The following TMEM59L variants were observed in gnomAD, a reference collection of about 807,000 sequenced individuals.
TMEM59L encodes transmembrane protein 59-like.
In TMEM59L, 31 loss-of-function variants were observed where a neutral mutation model predicts 39.6. The observed-to-expected ratio is 0.78, with a 90% CI of 0.59 to 1.06. TMEM59L has a LOEUF of 1.06. TMEM59L is among the 50% of genes least tolerant of loss of function. The pLI, the probability that TMEM59L is intolerant of heterozygous loss-of-function variation, is 0.00. For synonymous variants in TMEM59L, 219 were observed against 202.9 expected (o/e 1.08, Z -0.68); for missense variants, 441 against 451.3 (o/e 0.98, Z 0.21).
At position 18,612,932 on chromosome 19, in the gene TMEM59L, C is replaced by T; in HGVS notation, c.-27C>T. 7.8e-7 allele frequency: 1 copy of T among 1,287,782 alleles called. No individual in the cohort carries two copies. The highest frequency in any genetic ancestry group is 9.8e-7 in the Non-Finnish European group (1 of 1,021,442). 79.8% of individuals were successfully genotyped at this position (1,287,782 alleles called of 1,614,324 possible). On this transcript the variant is annotated 5_prime_UTR_variant, in exon 1 of 8. Transcript: ENST00000262817. This position sits in a 1 kb window ranked among gnomAD's most constrained non-coding sequence, Gnocchi z 6.2. Reference sequence around the variant, plus strand: ...CCGTGCCCGGCCTGAGCTGGAGTCCCCCGCGCCCCCCGCGTTCCGCCCGGC... The same window carrying T: ...CCGTGCCCGGCCTGAGCTGGAGTCCTCCGCGCCCCCCGCGTTCCGCCCGGC...
chr19:18,617,155 A>G, intron 5 of TMEM59L, 53 bp downstream of exon 5: 1 of 1,415,088 alleles, frequency 7.1e-7, no homozygotes, highest in Non-Finnish European at 1.0e-6. Flanking sequence ...CACTGCCACA[A>G]GGAGTCGGCC....
chr19:18,614,571 G>A (rs1439884584), intron 3 of TMEM59L, among the ~76,000 whole-genome samples: 1 of 152,206 alleles, frequency 6.6e-6, no homozygotes. Context: ...TGCAAGGGGC[G>A]AGATTTGAAG....
In TMEM59L at chr19:18,618,458, T is replaced by C. The variant is rs771121994; in HGVS notation, c.866T>C (p.Leu289Pro). Reference protein sequence around the residue: ...LVMLWLSCSTLVTAPGQHLKF... With the variant: ...LVMLWLSCSTPVTAPGQHLKF... Reference sequence around the variant, plus strand: ...ATGCTGTGGCTGAGCTGCTCCACCCTGGTGACCGCGCCTGGCCAGCACCTC... The same window carrying C: ...ATGCTGTGGCTGAGCTGCTCCACCCCGGTGACCGCGCCTGGCCAGCACCTC... The change falls in exon 7 of 8, where the codon CTG becomes CCG. Residue 289 changes from leucine (L) to proline (P), a missense_variant. Leu to Pro is a moderately conservative substitution (Grantham distance 98, BLOSUM62 -3). Coordinates refer to ENST00000262817, the MANE Select transcript of TMEM59L (RefSeq NM_012109.3). 2.5e-6 allele frequency: 4 copies of C among 1,606,214 alleles called. No homozygotes were observed. Among genetic ancestry groups the C allele is most frequent in the African/African-American group, 2.7e-5 (2 of 74,690 alleles).
rs748071337 is a variant in TMEM59L at position 18,612,987 on chromosome 19, C to CGCTGCTGCT, written c.40_48dup (p.Leu15_Leu17dup). ...GCTGCGGTGGCGCTGATGCCACCGCCGCTGCTGCTGCTGCTGCTGTTGGCG... is the reference window on the plus strand; with the variant it reads ...GCTGCGGTGGCGCTGATGCCACCGCCGCTGCTGCTGCTGCTGCTGCTGCTGCTGTTGGCG... On this transcript the variant is annotated inframe_insertion, in exon 1 of 8. Transcript: ENST00000262817. This position sits in a 1 kb window ranked among gnomAD's most constrained non-coding sequence, Gnocchi z 6.2. 2.9e-6 allele frequency: 4 copies of CGCTGCTGCT among 1,360,554 alleles called. No homozygotes were observed. Among genetic ancestry groups the CGCTGCTGCT allele is most frequent in the East Asian group, 3.1e-5 (1 of 32,194 alleles). 84.3% of individuals were successfully genotyped at this position (1,360,554 alleles called of 1,614,324 possible).
chr19:18,619,678 C>A (rs1439799231), intron 7 of TMEM59L, among the ~76,000 whole-genome samples: 1 of 151,634 alleles, frequency 6.6e-6, no homozygotes, highest in Admixed American at 6.6e-5. Flanking sequence ...GTGGCAGGTG[C>A]CTGTAGTCCC....
chr19:18,617,333 T>C (rs866084752), intron 5 of TMEM59L: 1 of 635,744 alleles, frequency 1.6e-6, no homozygotes, highest in South Asian at 1.5e-5. Flanking sequence ...GGTTCCGTGG[T>C]CCATCTCCCC....
intron 5 of TMEM59L, 129 bp downstream of exon 5, chr19:18,617,231 C>T (rs747071925): frequency 4.1e-6 from 3 of 735,780 alleles, no homozygotes; most frequent in Non-Finnish European, 4.8e-6. Flanking sequence ...GGCTCATCCC[C>T]CAGGTCTCCA....
At chr19:18,614,049 G>A in intron 2 of TMEM59L, 33 bp downstream of exon 2, 1 of 1,613,048 alleles carries the variant, frequency 6.2e-7, no homozygotes, top group East Asian at 2.2e-5. Flanking sequence ...GGCCAGCGTG[G>A]GGAGAGGTGG....
Position 18,614,200 on chromosome 19 carries a change from G to T in TMEM59L, c.408+5G>T. ...GAGCCTGAGCCGGAGCAGAAGGTGG[G>T]CCTCCCACTGCGGCCTGGGGTCCCT... On this transcript the variant is annotated splice_donor_5th_base_variant and intron_variant, in intron 3 of 7. Coordinates refer to ENST00000262817, the MANE Select transcript of TMEM59L (RefSeq NM_012109.3). The T allele has an allele frequency of 6.3e-7, 1 of 1,586,356 alleles. No homozygotes were observed. Among genetic ancestry groups the T allele is most frequent in the East Asian group, 2.3e-5 (1 of 44,062 alleles).
chr19:18,617,644 G>T (rs1742763917), intron 5 of TMEM59L: 1 of 454,862 alleles, frequency 2.2e-6, no homozygotes, highest in Non-Finnish European at 4.4e-6. Context: ...GGGTTCCATG[G>T]TTCATCTCTT....
intron 5 of TMEM59L, 115 bp from the exon 6 acceptor site, chr19:18,618,040 T>A (rs555395686): frequency 2.6e-6 from 2 of 771,770 alleles, no homozygotes; most frequent in South Asian, 3.1e-5. Context: ...CCCAGGGCTC[T>A]GATCTCCATT....
chr19:18,618,070 G>T, intron 5 of TMEM59L, 85 bp from the exon 6 acceptor site: 1 of 1,014,674 alleles, frequency 9.9e-7, no homozygotes, highest in Non-Finnish European at 1.6e-6. Context: ...TATGCCCCAG[G>T]TCCTGACCTC....
In TMEM59L at chr19:18,620,901, T is replaced by G; in HGVS notation, c.*365T>G. On this transcript the variant is annotated 3_prime_UTR_variant, in exon 8 of 8. Coordinates refer to ENST00000262817, the MANE Select transcript of TMEM59L (RefSeq NM_012109.3). ...AGGCTGAGGGGGAGCTGCGTCTTGC[T>G]AGGGCTTCCCCCTTCTCCCCATCCC... The G allele has an allele frequency of 5.9e-6, 1 of 170,496 alleles. No individual in the cohort carries two copies. Among genetic ancestry groups the G allele is most frequent in the African/African-American group, 2.4e-5 (1 of 42,378 alleles). The allele number at this position is 170,496 out of a possible 1,614,324, so 10.6% of individuals were successfully genotyped here. A position where few individuals can be genotyped will look rare whatever the true frequency, so the allele number is the denominator to read the frequency against.
Position 18,617,005 on chromosome 19 carries a change from G to A in TMEM59L, c.567G>A (p.Gln189=), listed in dbSNP as rs751045127. Reference sequence around the variant, plus strand: ...CTGTCTTGTTCCTGGCCCAGACTCAGCCCATAGTGGAGAGCCTCGGCTTCC... The same window carrying A: ...CTGTCTTGTTCCTGGCCCAGACTCAACCCATAGTGGAGAGCCTCGGCTTCC... The part of the protein sequence containing the change: ...DNGKVVVFQT[Q]PIVESLGFQG... The change falls in exon 5 of 8, where the codon CAG becomes CAA. Residue 189 remains glutamine, a synonymous_variant. Coordinates refer to ENST00000262817, the MANE Select transcript of TMEM59L (RefSeq NM_012109.3). The A allele has an allele frequency of 2.2e-5, 35 of 1,609,140 alleles. No homozygotes were observed. The East Asian group carries it at 7.8e-4, about 36-fold the overall frequency.
intron 7 of TMEM59L, 33 bp from the exon 8 acceptor site, chr19:18,620,375 C>G: frequency 1.3e-6 from 2 of 1,580,474 alleles, no homozygotes; most frequent in Non-Finnish European, 1.7e-6. Flanking sequence ...TCTCCCCGTC[C>G]CTCCACTTCC....
intron 7 of TMEM59L, 113 bp downstream of exon 7, chr19:18,618,605 A>T: frequency 1.1e-6 from 1 of 887,578 alleles, no homozygotes. Flanking sequence ...GACCTCAGAC[A>T]TTTTTTTCTT....
intron 4 of TMEM59L, among the ~76,000 whole-genome samples, chr19:18,616,547 C>G (rs1026518992): frequency 5.9e-5 from 9 of 152,104 alleles, no homozygotes; most frequent in Admixed American, 4.6e-4. Context: ...CGGCCACCAC[C>G]ACACCCACCT....
intron 6 of TMEM59L, 41 bp from the exon 7 acceptor site, chr19:18,618,333 TC>T: frequency 6.2e-7 from 1 of 1,604,504 alleles, no homozygotes; most frequent in Non-Finnish European, 8.5e-7. Context: ...GTCTCCCTGG[TC>T]CCGGCCTGGG....
rs772823631 is a variant in TMEM59L at position 18,612,963 on chromosome 19, C to T, written c.5C>T (p.Ala2Val). Residue 2 changes from alanine to valine, a missense_variant, in exon 1 of 8, where the codon GCT becomes GTT. Ala to Val is a moderately conservative substitution (Grantham distance 64). Transcript: ENST00000262817. The surrounding 1 kb of genome is among the most constrained non-coding windows in gnomAD (Gnocchi z 6.2). M[A>V]AVALMPPPLL... ...CCCCCCGCGTTCCGCCCGGCCATGGCTGCGGTGGCGCTGATGCCACCGCCG... is the reference window on the plus strand; with the variant it reads ...CCCCCCGCGTTCCGCCCGGCCATGGTTGCGGTGGCGCTGATGCCACCGCCG... The T allele has an allele frequency of 3.0e-6, 4 of 1,322,640 alleles. No homozygotes were observed. The African/African-American group carries it at 6.2e-5, about 20-fold the overall frequency. The allele number at this position is 1,322,640 out of a possible 1,614,324, so 81.9% of individuals were successfully genotyped here.
Sources: allele counts gnomAD v4.1 joint callset (sites outside exome capture counted in the v4.1 genomes callset), GRCh38; gene constraint gnomAD v4.1.1; non-coding constraint Gnocchi (gnomAD v3.1); transcripts MANE v1.5; gene names NCBI Gene and HGNC (gene_info 2026-07-23, HGNC 2026-07-21).